The following SHCBP1L variants were observed in gnomAD, a reference collection of about 807,000 sequenced individuals.
The protein encoded by SHCBP1L is SHC binding and spindle associated 1 like, also known as testicular spindle-associated protein SHCBP1L.
In SHCBP1L, 67 loss-of-function variants were observed where a neutral mutation model predicts 62.5. The observed-to-expected ratio is 1.07, with a 90% CI of 0.88 to 1.31. The LOEUF (loss-of-function observed/expected upper bound fraction) is 1.31. Among genes scored for constraint, SHCBP1L ranks in the 40% most tolerant of loss-of-function variants. The pLI is 0.00. For missense variants in SHCBP1L, 823 were observed against 809.8 expected, an observed-to-expected ratio of 1.02 and a Z score of -0.20; for synonymous variants, 284 against 289.4, an observed-to-expected ratio of 0.98 and a Z score of 0.19.
chr1:182,903,263 A>G, intron 8 of SHCBP1L, 102 bp from the exon 9 acceptor site: 1 of 987,412 alleles, frequency 1.0e-6, no homozygotes, highest in South Asian at 3.1e-5. Flanking sequence ...ACCACTATAA[A>G]CATTGAGTTA....
At chr1:182,903,916 T>C (rs1052202240) in intron 8 of SHCBP1L, among the ~76,000 whole-genome samples, 1 of 152,214 alleles carries the variant, frequency 6.6e-6, no homozygotes, top group Non-Finnish European at 1.5e-5. Context: ...TCATGATTTA[T>C]GTTATAGCCA....
At chr1:182,911,475 C>G (rs1405017844) in intron 6 of SHCBP1L, among the ~76,000 whole-genome samples, 2 of 151,990 alleles carry the variant, frequency 1.3e-5, no homozygotes, top group Non-Finnish European at 2.9e-5. Context: ...AATAAGATAC[C>G]ATGACCCATT....
chr1:182,906,422 G>A (rs1650013886), intron 6 of SHCBP1L, among the ~76,000 whole-genome samples: 1 of 150,044 alleles, frequency 6.7e-6, no homozygotes, highest in African/African-American at 2.5e-5. Context: ...TTTAGTAAAT[G>A]AACAAAATTC....
intron 1 of SHCBP1L, 62 bp from the exon 2 acceptor site, chr1:182,951,529 GGT>G: frequency 3.6e-6 from 4 of 1,104,596 alleles, no homozygotes; most frequent in East Asian, 3.0e-5. Flanking sequence ...TAAACTAAGT[GGT>G]TTTTTTTTTT....
In SHCBP1L at chr1:182,906,095, T is replaced by C. The variant is rs1463901015; in HGVS notation, c.1183-446A>G. ...GATTACAGGTGCACACCACCACGTC[T>C]GGCTAATTTTTTGTATTTTTAGTAG... is the stretch of plus-strand genomic sequence containing the variant. On this transcript the variant is annotated intron_variant, in intron 6 of 9. Transcript: ENST00000367547. Among the ~76,000 whole-genome samples, 4 of 151,988 alleles carry C rather than the reference T, an allele frequency of 2.6e-5. No individual in the cohort carries two copies. The East Asian group carries it at 5.9e-4, about 22-fold the overall frequency.
intron 2 of SHCBP1L, among the ~76,000 whole-genome samples, chr1:182,949,279 T>TA (rs67081523): frequency 0.24 from 33,288 of 139,768 alleles, 6,379 homozygotes; most frequent in African/African-American, 0.54. Flanking sequence ...AAACTTATAC[T>TA]AAAAAAAAAA....
intron 2 of SHCBP1L, chr1:182,942,548 T>C: frequency 1.9e-6 from 1 of 528,170 alleles, no homozygotes; most frequent in East Asian, 3.6e-5. Flanking sequence ...TAAGTTGATT[T>C]AGCTTCATGA....
At chr1:182,949,512 C>A (rs1461766737) in intron 2 of SHCBP1L, among the ~76,000 whole-genome samples, 1 of 151,864 alleles carries the variant, frequency 6.6e-6, no homozygotes, top group East Asian at 1.9e-4. Context: ...GCCTGGCCAA[C>A]ATAGTGAAAT....
intron 8 of SHCBP1L, among the ~76,000 whole-genome samples, chr1:182,903,857 C>T (rs1443448701): frequency 6.6e-6 from 1 of 152,174 alleles, no homozygotes; most frequent in Admixed American, 6.5e-5. Context: ...CTAACAGCAA[C>T]ATCTGATAAC....
chr1:182,914,347 G>A (rs888822469), intron 6 of SHCBP1L, among the ~76,000 whole-genome samples: 13 of 152,054 alleles, frequency 8.5e-5, no homozygotes, highest in African/African-American at 2.9e-4. Context: ...AAAATCAAGG[G>A]TAAATATAAA....
At chr1:182,902,885 C>T (rs1180269981) in intron 9 of SHCBP1L, among the ~76,000 whole-genome samples, 154 bp downstream of exon 9, 2 of 152,104 alleles carry the variant, frequency 1.3e-5, no homozygotes, top group African/African-American at 2.4e-5. Flanking sequence ...TATTTCCCAG[C>T]AGCTATCATT....
At chr1:182,938,264 C>T (rs1373891769) in intron 5 of SHCBP1L, among the ~76,000 whole-genome samples, 3 of 151,970 alleles carry the variant, frequency 2.0e-5, no homozygotes, top group South Asian at 2.1e-4. Flanking sequence ...TGCACCACCA[C>T]GCCCGGCTAA....
intron 2 of SHCBP1L, among the ~76,000 whole-genome samples, chr1:182,946,259 T>TTTACAA: frequency 6.6e-6 from 1 of 152,230 alleles, no homozygotes; most frequent in South Asian, 2.1e-4. Flanking sequence ...CTGAGAAACC[T>TTTACAA]TTACAATTTG....
chr1:182,950,132 T>C (rs1436230876), intron 2 of SHCBP1L, among the ~76,000 whole-genome samples: 1 of 152,224 alleles, frequency 6.6e-6, no homozygotes, highest in East Asian at 1.9e-4. Context: ...AGAACACATA[T>C]TTTTAAATTG....
chr1:182,904,484 CTTTA>C, intron 7 of SHCBP1L, 54 bp from the exon 8 acceptor site: 1 of 1,589,180 alleles, frequency 6.3e-7, no homozygotes, highest in Non-Finnish European at 8.6e-7. Flanking sequence ...TTTTAAGGCC[CTTTA>C]TTGTCATTCA....
At chr1:182,946,538 A>T (rs1001664705) in intron 2 of SHCBP1L, among the ~76,000 whole-genome samples, 1 of 152,166 alleles carries the variant, frequency 6.6e-6, no homozygotes, top group African/African-American at 2.4e-5. Flanking sequence ...ATTCAGTACC[A>T]GCAAATTTTC....
At chr1:182,924,964 A>AAGAAAGAAAGAAAG (rs1553245987) in intron 6 of SHCBP1L, among the ~76,000 whole-genome samples, 10 of 141,848 alleles carry the variant, frequency 7.0e-5, no homozygotes, top group Non-Finnish European at 9.1e-5. Context: ...GAAAGAAAGA[A>AAGAAAGAAAGAAAG]AGAAAGAAAG....
At chr1:182,927,248 C>A (rs962345569) in intron 6 of SHCBP1L, among the ~76,000 whole-genome samples, 8 of 151,630 alleles carry the variant, frequency 5.3e-5, no homozygotes, top group African/African-American at 1.7e-4. Context: ...AAAGTCCATG[C>A]CTTTCCACTG....
chr1:182,909,914 T>A (rs528392760), intron 6 of SHCBP1L, among the ~76,000 whole-genome samples: 1 of 152,176 alleles, frequency 6.6e-6, no homozygotes, highest in Admixed American at 6.5e-5. Flanking sequence ...TCACAGTGAG[T>A]AGAGGAATAA....
Sources: allele counts gnomAD v4.1 joint callset (sites outside exome capture counted in the v4.1 genomes callset), GRCh38; gene constraint gnomAD v4.1.1; transcripts MANE v1.5; gene names NCBI Gene and HGNC (gene_info 2026-07-23, HGNC 2026-07-21).